Variants in GPR89B observed in about 807,000 individuals in gnomAD.
GPR89B encodes the protein golgi pH regulator B.
In GPR89B, 25 loss-of-function variants were observed where a neutral mutation model predicts 52.4. The observed-to-expected ratio is 0.48, with a 90% CI of 0.35 to 0.67. The LOEUF (loss-of-function observed/expected upper bound fraction) is 0.67. Among genes scored for constraint, GPR89B ranks in the 30% least tolerant of loss-of-function variants. The pLI is 0.01. For synonymous variants in GPR89B, 52 were observed against 151.2 expected (o/e 0.34, Z 4.81); for missense variants, 146 against 450.2 (o/e 0.32, Z 6.11).
At position 147,993,443 on chromosome 1, in the gene GPR89B, C is replaced by T; in HGVS notation, c.*526C>T. The T allele has an allele frequency of 5.1e-6, 1 of 197,100 alleles. No homozygotes were observed. Among genetic ancestry groups the T allele is most frequent in the East Asian group, 1.3e-4 (1 of 7,650 alleles). The allele number at this position is 197,100 out of a possible 1,614,324, so 12.2% of individuals were successfully genotyped here. ...CCACACCTCCTCTTCTGATCCTGCC[C>T]CATTAAAATAACCAAGAGGTTATCT... is the stretch of plus-strand genomic sequence containing the variant. On this transcript the variant is annotated 3_prime_UTR_variant, in exon 14 of 14. Transcript: ENST00000314163.
intron 7 of GPR89B, among the ~76,000 whole-genome samples, chr1:147,965,474 G>A (rs1203833134): frequency 1.3e-5 from 2 of 151,962 alleles, no homozygotes; most frequent in Non-Finnish European, 2.9e-5. Flanking sequence ...TGTAGGCCTT[G>A]GCCCATTAAA....
intron 10 of GPR89B, among the ~76,000 whole-genome samples, chr1:147,974,699 CAATACTA>C (rs1657712885): frequency 7.5e-6 from 1 of 133,342 alleles, no homozygotes; most frequent in Non-Finnish European, 1.6e-5. Context: ...CCAGAACTTC[CAATACTA>C]TGTTGAATAG....
chr1:147,931,585 CTT>C (rs55649899), intron 1 of GPR89B, among the ~76,000 whole-genome samples: 3 of 137,934 alleles, frequency 2.2e-5, no homozygotes. Context: ...TAGTTTAAGT[CTT>C]TTTTTTTTTT....
At chr1:148,015,856 T>G in the GPR89B span, among the ~76,000 whole-genome samples, 4 of 151,532 alleles carry the variant, frequency 2.6e-5, no homozygotes, top group Admixed American at 2.6e-4. Context: ...TTTTATATCA[T>G]TCCATTCTCT....
At chr1:147,971,260 C>G (rs2149079152) in intron 10 of GPR89B, among the ~76,000 whole-genome samples, 1 of 151,520 alleles carries the variant, frequency 6.6e-6, no homozygotes, top group South Asian at 2.1e-4. Context: ...AGCAATTCTC[C>G]TGCCTCAGCC....
chr1:148,021,408 G>A, the GPR89B span, among the ~76,000 whole-genome samples: 1,680 of 151,932 alleles, frequency 0.011, 57 homozygotes, highest in African/African-American at 0.039. Context: ...AGGCCGAGGC[G>A]GGAGAATGGC....
chr1:147,945,887 G>T (rs78378434), intron 5 of GPR89B, among the ~76,000 whole-genome samples: 4,651 of 151,474 alleles, frequency 0.031, 110 homozygotes, highest in Middle Eastern at 0.051. Context: ...ACCATACCCG[G>T]CTAATTTTGG....
chr1:147,971,852 G>C (rs1657495493), intron 10 of GPR89B, among the ~76,000 whole-genome samples: 1 of 151,402 alleles, frequency 6.6e-6, no homozygotes, highest in South Asian at 2.1e-4. Context: ...ATGTACAACT[G>C]GGTACGTTTT....
chr1:147,956,698 T>C (rs1424170764), intron 7 of GPR89B, among the ~76,000 whole-genome samples: 10 of 151,906 alleles, frequency 6.6e-5, no homozygotes, highest in South Asian at 2.1e-4. Flanking sequence ...CATGGACTGG[T>C]GTATAATTTT....
intron 3 of GPR89B, among the ~76,000 whole-genome samples, chr1:147,941,143 T>G (rs1654525473): frequency 6.6e-6 from 1 of 151,978 alleles, no homozygotes; most frequent in South Asian, 2.1e-4. Context: ...TTGACTCACC[T>G]TTGAGCAGAG....
the GPR89B span, among the ~76,000 whole-genome samples, chr1:147,999,846 A>G: frequency 2.0e-5 from 3 of 152,098 alleles, no homozygotes; most frequent in Non-Finnish European, 4.4e-5. Context: ...TTCCAATTCA[A>G]CCCTCATAGC....
chr1:147,970,451 C>G (rs1174416546), intron 10 of GPR89B, among the ~76,000 whole-genome samples: 46 of 151,938 alleles, frequency 3.0e-4, no homozygotes, highest in Admixed American at 5.2e-4. Context: ...GAGCTAAGAT[C>G]ACGCCACTGC....
At chr1:147,998,134 T>C (rs1234852531), downstream of GPR89B, among the ~76,000 whole-genome samples, 1 of 148,576 alleles carries the variant, frequency 6.7e-6, no homozygotes, top group Non-Finnish European at 1.5e-5. Flanking sequence ...AGGGTGGACC[T>C]GGGTATGGTG....
At chr1:147,943,392 G>T (rs1654706197) in intron 3 of GPR89B, 46 bp from the exon 4 acceptor site, 2 of 1,598,160 alleles carry the variant, frequency 1.3e-6, no homozygotes, top group African/African-American at 1.3e-5. Flanking sequence ...AAAGAAAGTT[G>T]CTGCCCTCTC....
chr1:147,990,071 G>C (rs1658950308), intron 12 of GPR89B, among the ~76,000 whole-genome samples: 1 of 152,180 alleles, frequency 6.6e-6, no homozygotes, highest in South Asian at 2.1e-4. Context: ...CTAGTTTACA[G>C]TCCCACCAAC....
downstream of GPR89B, among the ~76,000 whole-genome samples, chr1:147,994,685 G>A (rs1659272338): frequency 6.6e-6 from 1 of 152,238 alleles, no homozygotes; most frequent in Admixed American, 6.5e-5. Context: ...TTTTGTATAA[G>A]ACTAGGATAT....
intron 10 of GPR89B, among the ~76,000 whole-genome samples, chr1:147,978,286 C>T (rs1657986275): frequency 6.6e-6 from 1 of 151,930 alleles, no homozygotes; most frequent in Non-Finnish European, 1.5e-5. Flanking sequence ...CGAATCCATA[C>T]CCTACTCGCC....
At chr1:147,948,499 G>C (rs1405964047) in intron 5 of GPR89B, among the ~76,000 whole-genome samples, 1 of 151,536 alleles carries the variant, frequency 6.6e-6, no homozygotes, top group East Asian at 1.9e-4. Context: ...CAAATCAGGA[G>C]CTTAGGGAAA....
At chr1:147,983,284 G>A (rs1441128367) in intron 10 of GPR89B, among the ~76,000 whole-genome samples, 1 of 152,070 alleles carries the variant, frequency 6.6e-6, no homozygotes, top group African/African-American at 2.4e-5. Flanking sequence ...ATGTCTAAAA[G>A]CATACCAAAA....
Sources: gnomAD v4.1 joint callset for allele counts (sites outside exome capture counted in the v4.1 genomes callset) on GRCh38, gnomAD v4.1.1 for gene constraint, MANE v1.5 for transcripts, NCBI Gene and HGNC (gene_info 2026-07-23, HGNC 2026-07-21) for gene names.